Variants in SFMBT2 observed in about 807,000 individuals in gnomAD.
The protein encoded by SFMBT2 is Scm like with four mbt domains 2, also known as scm-like with four MBT domains protein 2.
Under a neutral mutation model 110.1 loss-of-function variants are expected in SFMBT2, and 38 were observed. That is an observed-to-expected ratio of 0.35 (90% CI 0.27 to 0.45). SFMBT2 has a LOEUF of 0.45. SFMBT2 is among the 20% of genes least tolerant of loss of function. The pLI is 1.00. For synonymous variants in SFMBT2, 425 were observed against 425.4 expected (o/e 1.00, Z 0.01); for missense variants, 1,011 against 1,094.9 (o/e 0.92, Z 1.08).
At chr10:7,402,846 A>T (rs780100667) in intron 1 of SFMBT2, among the ~76,000 whole-genome samples, 5 of 152,162 alleles carry the variant, frequency 3.3e-5, no homozygotes, top group Non-Finnish European at 7.3e-5. Context: ...TTCACTCTAA[A>T]ATGTCCTCAT....
rs77447647 is a variant in SFMBT2 at position 7,191,580 on chromosome 10, C to A, written c.1699-2847G>T. Among the ~76,000 whole-genome samples, 1,404 of 152,330 alleles carry A rather than the reference C, an allele frequency of 9.2e-3. 29 individuals carry two copies. Among genetic ancestry groups the A allele is most frequent in the African/African-American group, 0.032 (1,315 of 41,566 alleles). ...AAAGTCCGTATCAGAAAGGTCTCTG[C>A]GAGTATCCTCTGTACACAGCACATT... is the stretch of plus-strand genomic sequence containing the variant. On this transcript the variant is annotated intron_variant, in intron 15 of 20. Coordinates refer to ENST00000397167, the MANE Select transcript of SFMBT2 (RefSeq NM_001387889.1).
chr10:7,368,023 T>A, intron 3 of SFMBT2, 134 bp from the exon 4 acceptor site: 2 of 1,281,138 alleles, frequency 1.6e-6, no homozygotes, highest in South Asian at 1.6e-5. Flanking sequence ...TGTATTTATC[T>A]AAGTAATACA....
intron 1 of SFMBT2, among the ~76,000 whole-genome samples, chr10:7,395,092 G>T (rs565906579): frequency 2.3e-4 from 35 of 152,246 alleles, no homozygotes; most frequent in Admixed American, 1.0e-3. Context: ...GCCAAGGTGG[G>T]TGGATTACCT....
At chr10:7,276,779 G>A (rs1023493009) in intron 7 of SFMBT2, 113 bp downstream of exon 7, 1 of 693,620 alleles carries the variant, frequency 1.4e-6, no homozygotes, top group South Asian at 1.6e-5. Context: ...GCCCACCTCA[G>A]CCTCTCAAAG....
chr10:7,315,083 A>AGAAAGAAAGAAAGAAAGAAAGAAG (rs1842966523), intron 4 of SFMBT2, among the ~76,000 whole-genome samples: 2 of 146,028 alleles, frequency 1.4e-5, no homozygotes, highest in African/African-American at 5.1e-5. Context: ...AAAGAAAGAA[A>AGAAAGAAAGAAAGAAAGAAAGAAG]GAAAGAAAGA....
chr10:7,272,535 C>T (rs924295466), intron 7 of SFMBT2, among the ~76,000 whole-genome samples: 15 of 148,980 alleles, frequency 1.0e-4, no homozygotes, highest in Non-Finnish European at 1.6e-4. Context: ...AGTTAGACGC[C>T]CCCCACAGCC....
At chr10:7,186,423 T>TACACACAC (rs766631230) in intron 16 of SFMBT2, among the ~76,000 whole-genome samples, 14 of 108,136 alleles carry the variant, frequency 1.3e-4, no homozygotes, top group African/African-American at 4.4e-4. Context: ...ACATACTATA[T>TACACACAC]ATACACACAC....
chr10:7,367,602 T>C lies in SFMBT2; in HGVS notation c.436+47A>G, dbSNP rs371708284. The C allele has an allele frequency of 2.5e-6, 4 of 1,583,484 alleles. No homozygotes were observed. Among genetic ancestry groups the C allele is most frequent in the South Asian group, 1.1e-5 (1 of 87,710 alleles). ...GCTCCTTGCAAAATTACAGGCGTCA[T>C]GAAGGATGGCGGCTCGTAAATCGAA... On this transcript the variant is annotated intron_variant, in intron 4 of 20. Transcript: ENST00000397167. This position sits in a 1 kb window ranked among gnomAD's most constrained non-coding sequence, Gnocchi z 6.2.
At chr10:7,182,149 T>C (rs982822217) in intron 16 of SFMBT2, among the ~76,000 whole-genome samples, 8 of 152,196 alleles carry the variant, frequency 5.3e-5, no homozygotes, top group Non-Finnish European at 8.8e-5. Flanking sequence ...GCGATTCTCC[T>C]GCCTCAGCCT....
At chr10:7,332,710 T>G (rs376300382) in intron 4 of SFMBT2, among the ~76,000 whole-genome samples, 1 of 152,170 alleles carries the variant, frequency 6.6e-6, no homozygotes, top group East Asian at 1.9e-4. Flanking sequence ...TTAATGTCCA[T>G]GACAGAATTG....
chr10:7,320,267 A>C (rs146743482), intron 4 of SFMBT2, among the ~76,000 whole-genome samples: 1 of 152,324 alleles, frequency 6.6e-6, no homozygotes, highest in East Asian at 1.9e-4. Context: ...GACTCTTAAC[A>C]ATTAATTAAT....
At chr10:7,373,642 C>A (rs919941409) in intron 2 of SFMBT2, among the ~76,000 whole-genome samples, 1 of 152,148 alleles carries the variant, frequency 6.6e-6, no homozygotes, top group Non-Finnish European at 1.5e-5. Context: ...ACCACTGCCA[C>A]CACCCGTGTC....
intron 4 of SFMBT2, among the ~76,000 whole-genome samples, chr10:7,346,276 A>G (rs1844105493): frequency 6.6e-6 from 1 of 152,210 alleles, no homozygotes; most frequent in Admixed American, 6.5e-5. Context: ...AGACACTTGT[A>G]GGATCTTTCT....
Position 7,248,571 on chromosome 10 carries a change from T to C in SFMBT2, c.949A>G (p.Ile317Val), listed in dbSNP as rs139472442. The C allele has an allele frequency of 3.8e-5, 61 of 1,613,958 alleles. No individual in the cohort carries two copies. The highest frequency in any genetic ancestry group is 4.9e-5 in the Non-Finnish European group (58 of 1,179,976). The change falls in exon 8 of 21, where the codon ATC (isoleucine) becomes GTC (valine). Residue 317 changes from isoleucine (I) to valine (V), a missense_variant. Physicochemically the swap from Ile to Val is conservative, Grantham distance 29 (BLOSUM62 3). This residue lies in a region of SFMBT2 where 979 missense variants were observed against 1,016.1 expected (regional missense o/e 0.96). Transcript: ENST00000397167. ...ETVNMCEPFY[I>V]SPASVTKVFN... is the part of the protein sequence containing the mutation. Reference sequence around the variant, plus strand: ...ACCTTAGTCACCGACGCAGGAGAGATGTAAAAGGGCTCGCACATATTCACT... The same window carrying C: ...ACCTTAGTCACCGACGCAGGAGAGACGTAAAAGGGCTCGCACATATTCACT...
intron 5 of SFMBT2, 70 bp downstream of exon 5, chr10:7,285,796 G>T (rs757848635): frequency 9.7e-5 from 78 of 805,050 alleles, no homozygotes; most frequent in Non-Finnish European, 1.5e-4. Flanking sequence ...ATGCAAAGGT[G>T]CTGTCAGGTC....
At chr10:7,270,331 T>C (rs116488170) in intron 7 of SFMBT2, among the ~76,000 whole-genome samples, 2,012 of 152,196 alleles carry the variant, frequency 0.013, 42 homozygotes, top group African/African-American at 0.046. Context: ...TTTCACACAC[T>C]AGTCTCCAGA....
chr10:7,180,295 A>ATTTTTTTTTTTTTTTTTTTTTTTTTTT (rs35437776), intron 16 of SFMBT2, among the ~76,000 whole-genome samples: 1 of 143,746 alleles, frequency 7.0e-6, no homozygotes. Context: ...TATAGTGGTA[A>ATTTTTTTTTTTTTTTTTTTTTTTTTTT]TTTTTTTTTT....
intron 7 of SFMBT2, among the ~76,000 whole-genome samples, chr10:7,259,961 C>A (rs537845273): frequency 6.6e-6 from 1 of 152,352 alleles, no homozygotes; most frequent in East Asian, 1.9e-4. Flanking sequence ...ACTGCCTCCA[C>A]TTTGAATGTC....
At chr10:7,228,800 C>CTCTT (rs1338561847) in intron 9 of SFMBT2, among the ~76,000 whole-genome samples, 1 of 142,472 alleles carries the variant, frequency 7.0e-6, no homozygotes, top group African/African-American at 2.5e-5. Context: ...CTCTCTCTCT[C>CTCTT]TCTTTCTTTG....
Sources: gnomAD v4.1 joint callset for allele counts (sites outside exome capture counted in the v4.1 genomes callset) on GRCh38, gnomAD v4.1.1 for gene constraint, gnomAD v4.1.1 regional missense constraint, Gnocchi (gnomAD v3.1) non-coding constraint, MANE v1.5 for transcripts, NCBI Gene and HGNC (gene_info 2026-07-23, HGNC 2026-07-21) for gene names.